Variants in ZBTB44 observed in about 807,000 individuals in gnomAD.
ZBTB44 encodes the protein zinc finger and BTB domain-containing protein 44.
ZBTB44 carries 15 observed loss-of-function variants against 54.0 expected under a neutral mutation model. The ratio of observed to expected loss-of-function variants is 0.28; its 90% CI spans 0.19 to 0.43. ZBTB44 has a LOEUF of 0.43. ZBTB44 is among the 20% of genes least tolerant of loss of function. ZBTB44 has a pLI of 1.00. For synonymous variants in ZBTB44, 230 were observed against 250.1 expected, an observed-to-expected ratio of 0.92 and a Z score of 0.76; for missense variants, 487 against 707.1, an observed-to-expected ratio of 0.69 and a Z score of 3.53.
chr11:130,284,835 C>T (rs1280620204), intron 1 of ZBTB44, among the ~76,000 whole-genome samples: 1 of 151,890 alleles, frequency 6.6e-6, no homozygotes, highest in Non-Finnish European at 1.5e-5. Context: ...CACTACACTC[C>T]ACAGCCTGGG....
rs1323765441 is a variant in ZBTB44 at position 130,231,529 on chromosome 11, C to G, written c.*235G>C. On this transcript the variant is annotated 3_prime_UTR_variant, in exon 8 of 8. Coordinates refer to ENST00000357899, the MANE Select transcript of ZBTB44 (RefSeq NM_001301098.2). Reference sequence around the variant, plus strand: ...TAATCCCTCATTCTGAGAACACAGTCAGAATATCTTGGAGCTACCAACATT... The same window carrying G: ...TAATCCCTCATTCTGAGAACACAGTGAGAATATCTTGGAGCTACCAACATT... 6.6e-6 allele frequency: 1 copy of G among 152,150 alleles called. No homozygotes were observed. The highest frequency in any genetic ancestry group is 1.5e-5 in the Non-Finnish European group (1 of 68,014). The allele number at this position is 152,150 out of a possible 1,614,324, so 9.4% of individuals were successfully genotyped here.
chr11:130,313,176 A>G (rs983636884), intron 1 of ZBTB44, among the ~76,000 whole-genome samples: 2 of 152,248 alleles, frequency 1.3e-5, no homozygotes, highest in African/African-American at 4.8e-5. Context: ...GTTGAAATCT[A>G]AACTATCTTA....
At chr11:130,235,426 A>C (rs902707069) in intron 5 of ZBTB44, among the ~76,000 whole-genome samples, 2 of 152,234 alleles carry the variant, frequency 1.3e-5, no homozygotes, top group Non-Finnish European at 2.9e-5. Context: ...TCAGAATTAG[A>C]GATGACTGCA....
intron 1 of ZBTB44, among the ~76,000 whole-genome samples, chr11:130,263,069 T>A (rs1938995802): frequency 6.6e-6 from 1 of 152,164 alleles, no homozygotes; most frequent in Non-Finnish European, 1.5e-5. Context: ...TAAAAAAATA[T>A]AAGTCACAGA....
In ZBTB44 at chr11:130,242,989, T is replaced by G. The variant is rs147405637; in HGVS notation, c.1019-3093A>C. ...ATCTTTTAATTTCCTAATTCTCTTC[T>G]GTTGAGTGCAATGTGCTGCCAAAAT... On this transcript the variant is annotated intron_variant, in intron 2 of 7. Coordinates refer to ENST00000357899, the MANE Select transcript of ZBTB44 (RefSeq NM_001301098.2). Among the ~76,000 whole-genome samples the G allele has an allele frequency of 9.2e-5, 14 of 152,354 alleles. No individual in the cohort carries two copies. In the East Asian group the frequency reaches 2.7e-3, roughly 29 times the overall value.
chr11:130,247,323 T>C lies in ZBTB44; in HGVS notation c.1019-7427A>G, dbSNP rs909096789. 1.8e-4 allele frequency among the ~76,000 whole-genome samples: 27 copies of C among 152,354 alleles called. No individual in the cohort carries two copies. The East Asian group carries it at 5.2e-3, about 29-fold the overall frequency. ...TCCTTGTTGCTTCGTCCTGGGATCCTGGATGAGAGGGCAGATATAAAATCC... is the reference window on the plus strand; with the variant it reads ...TCCTTGTTGCTTCGTCCTGGGATCCCGGATGAGAGGGCAGATATAAAATCC... On this transcript the variant is annotated intron_variant, in intron 2 of 7. Coordinates refer to ENST00000357899, the MANE Select transcript of ZBTB44 (RefSeq NM_001301098.2).
Position 130,289,047 on chromosome 11 carries a change from T to C in ZBTB44, c.-57+25328A>G, listed in dbSNP as rs554039334. Among the ~76,000 whole-genome samples the C allele has an allele frequency of 6.6e-5, 10 of 152,284 alleles. No homozygotes were observed. The South Asian group carries it at 1.5e-3, about 22-fold the overall frequency. Reference sequence around the variant, plus strand: ...TCTGCAAGATTCTACCAAATCTGCATAGCAAAAAGTAGTAAAACAATGTGA... The same window carrying C: ...TCTGCAAGATTCTACCAAATCTGCACAGCAAAAAGTAGTAAAACAATGTGA... On this transcript the variant is annotated intron_variant, in intron 1 of 7. Transcript: ENST00000357899.
At chr11:130,272,596 G>C (rs1450602328) in intron 1 of ZBTB44, among the ~76,000 whole-genome samples, 1 of 152,024 alleles carries the variant, frequency 6.6e-6, no homozygotes, top group Non-Finnish European at 1.5e-5. Context: ...TAATTTTTAT[G>C]AAGTTCAGTG....
rs531501104 is a variant in ZBTB44, at chr11:130,227,923, A to C, written c.*3841T>G. The C allele has an allele frequency of 6.6e-6, 1 of 152,322 alleles. No individual in the cohort carries two copies. Among genetic ancestry groups the C allele is most frequent in the South Asian group, 2.1e-4 (1 of 4,832 alleles). The allele number at this position is 152,322 out of a possible 1,614,324, so 9.4% of individuals were successfully genotyped here. A position where few individuals can be genotyped will look rare whatever the true frequency, so the allele number is the denominator to read the frequency against. ...AATCCTGGAGATTAAATTTACTCTT[A>C]AAAATGGAAATACAGGAATTTTAAA... On this transcript the variant is annotated 3_prime_UTR_variant, in exon 8 of 8. Coordinates refer to ENST00000357899, the MANE Select transcript of ZBTB44 (RefSeq NM_001301098.2).
At chr11:130,281,241 C>T (rs567633814) in intron 1 of ZBTB44, among the ~76,000 whole-genome samples, 1 of 152,198 alleles carries the variant, frequency 6.6e-6, no homozygotes, top group South Asian at 2.1e-4. Context: ...GAAAACAGGC[C>T]GGGCGCGGTG....
At chr11:130,272,291 T>C (rs1939730472) in intron 1 of ZBTB44, among the ~76,000 whole-genome samples, 1 of 152,218 alleles carries the variant, frequency 6.6e-6, no homozygotes, top group Non-Finnish European at 1.5e-5. Flanking sequence ...CACTTATGAT[T>C]CAACTTTGTT....
chr11:130,247,615 G>C (rs1211686331), intron 2 of ZBTB44, among the ~76,000 whole-genome samples: 16 of 152,150 alleles, frequency 1.1e-4, no homozygotes, highest in Non-Finnish European at 1.9e-4. Flanking sequence ...ACATAGGTTG[G>C]ATTAGTTCAT....
intron 5 of ZBTB44, among the ~76,000 whole-genome samples, chr11:130,234,941 A>G (rs532293065): frequency 6.6e-6 from 1 of 152,316 alleles, no homozygotes; most frequent in East Asian, 1.9e-4. Flanking sequence ...AACAGTGGCT[A>G]CTTTCCTTAA....
chr11:130,236,235 A>ATT, intron 5 of ZBTB44: 2 of 1,280,248 alleles, frequency 1.6e-6, no homozygotes, highest in South Asian at 2.5e-5. Context: ...CAGAAAGGTA[A>ATT]TTCTATTATA....
chr11:130,300,892 G>C (rs1592068502), intron 1 of ZBTB44, among the ~76,000 whole-genome samples: 1 of 152,076 alleles, frequency 6.6e-6, no homozygotes, highest in East Asian at 1.9e-4. Context: ...AGAGCAAGGG[G>C]GTTAGCTGGA....
intron 1 of ZBTB44, among the ~76,000 whole-genome samples, chr11:130,284,710 T>C (rs970935466): frequency 6.6e-6 from 1 of 151,986 alleles, no homozygotes; most frequent in Non-Finnish European, 1.5e-5. Flanking sequence ...CTACTAAAAA[T>C]ACAAAATTTA....
chr11:130,284,161 G>A (rs112446991), intron 1 of ZBTB44, among the ~76,000 whole-genome samples: 1,969 of 151,932 alleles, frequency 0.013, 45 homozygotes, highest in African/African-American at 0.045. Flanking sequence ...CAAACAGGTA[G>A]GTAAATTTTT....
At chr11:130,304,285 A>C (rs1163258882) in intron 1 of ZBTB44, among the ~76,000 whole-genome samples, 2 of 152,236 alleles carry the variant, frequency 1.3e-5, no homozygotes, top group Admixed American at 6.5e-5. Context: ...GCACTTAAAA[A>C]GCAAAAACAC....
rs1472107370 is a variant in ZBTB44, at chr11:130,314,747, G to T, written c.-429C>A. 1.3e-5 allele frequency: 2 copies of T among 149,172 alleles called. No individual in the cohort carries two copies. The highest frequency in any genetic ancestry group is 4.9e-5 in the African/African-American group (2 of 40,534). The allele number at this position is 149,172 out of a possible 1,614,324, so 9.2% of individuals were successfully genotyped here. A position where few individuals can be genotyped will look rare whatever the true frequency, so the allele number is the denominator to read the frequency against. ...CAGGCGGTTGTTTGGGGAGCGCGGC[G>T]ACGGCTCGCGTGTTCCCAGCGGGGC... On this transcript the variant is annotated 5_prime_UTR_variant, in exon 1 of 8. Transcript: ENST00000357899.
Sources: gnomAD v4.1 joint callset for allele counts (sites outside exome capture counted in the v4.1 genomes callset) on GRCh38, gnomAD v4.1.1 for gene constraint, MANE v1.5 for transcripts, NCBI Gene and HGNC (gene_info 2026-07-23, HGNC 2026-07-21) for gene names.